TULP4: variants seen among roughly 807,000 people sequenced by gnomAD.
The protein encoded by TULP4 is tubby-related protein 4.
Under a neutral mutation model 129.0 loss-of-function variants are expected in TULP4, and 16 were observed. That is an observed-to-expected ratio of 0.12 (90% CI 0.08 to 0.19). The LOEUF is 0.19. TULP4 is among the 10% of genes least tolerant of loss of function. The probability of loss-of-function intolerance (pLI) is 1.00; values close to 1 mark genes in which losing one functional copy is unlikely to be tolerated. For missense variants in TULP4, 1,842 were observed against 2,059.1 expected (o/e 0.89, Z 2.04); for synonymous variants, 998 against 854.0 (o/e 1.17, Z -2.94).
intron 1 of TULP4, among the ~76,000 whole-genome samples, chr6:158,340,953 G>GT (rs373147466): frequency 6.6e-6 from 1 of 152,062 alleles, no homozygotes; most frequent in African/African-American, 2.4e-5. Context: ...TTTTGTGTGT[G>GT]TTTTTTTGTT....
At chr6:158,279,163 C>G (rs906750900), upstream of TULP4, among the ~76,000 whole-genome samples, 1 of 151,864 alleles carries the variant, frequency 6.6e-6, no homozygotes, top group African/African-American at 2.4e-5. Context: ...AGGATGGTCT[C>G]GATCTCCTGA....
At chr6:158,381,007 G>A (rs1282030984) in intron 1 of TULP4, among the ~76,000 whole-genome samples, 1 of 151,888 alleles carries the variant, frequency 6.6e-6, no homozygotes, top group Non-Finnish European at 1.5e-5. Flanking sequence ...TGCCAACTTG[G>A]AAGGGGAGCC....
At chr6:158,268,838 A>G (rs952416727) in intron 1 of TULP4, among the ~76,000 whole-genome samples, 2 of 151,662 alleles carry the variant, frequency 1.3e-5, no homozygotes, top group African/African-American at 4.9e-5. Flanking sequence ...CTGTTGTAAT[A>G]TTTTGCTTGT....
Position 158,493,761 on chromosome 6 carries a change from G to A in TULP4, c.1776+44G>A, listed in dbSNP as rs1487475778. The A allele has an allele frequency of 4.7e-6, 7 of 1,490,220 alleles. No individual in the cohort carries two copies. Among genetic ancestry groups the A allele is most frequent in the Non-Finnish European group, 6.3e-6 (7 of 1,118,306 alleles). 92.3% of individuals were successfully genotyped at this position (1,490,220 alleles called of 1,614,324 possible). The stretch of plus-strand genomic sequence containing the variant: ...CCTGCCTTGCTCCCCTCCTCCTGGG[G>A]GCTATGCCCAGAGGGCCCCTTCCTA... On this transcript the variant is annotated intron_variant, in intron 10 of 13. Coordinates refer to ENST00000367097, the MANE Select transcript of TULP4 (RefSeq NM_020245.5). This position sits in a 1 kb window ranked among gnomAD's most constrained non-coding sequence, Gnocchi z 4.4.
chr6:158,315,569 G>C (rs1394797184), intron 1 of TULP4, among the ~76,000 whole-genome samples: 1 of 152,186 alleles, frequency 6.6e-6, no homozygotes, highest in Non-Finnish European at 1.5e-5. Flanking sequence ...AAAATATAGA[G>C]CATTTCCAGC....
rs1780296766 is a variant in TULP4 at position 158,345,967 on chromosome 6, A to G, written c.252+31699A>G. ...TCCTTTTCCCAGAGTATTAATAACA[A>G]TATTCCTTGCTAGGAAAAGAATTTA... On this transcript the variant is annotated intron_variant, in intron 1 of 13. Transcript: ENST00000367097. Among the ~76,000 whole-genome samples, 3 of 152,272 alleles carry G rather than the reference A, an allele frequency of 2.0e-5. No homozygotes were observed. In the South Asian group the frequency reaches 6.2e-4, roughly 32 times the overall value.
intron 1 of TULP4, among the ~76,000 whole-genome samples, chr6:158,334,703 T>A (rs1398678798): frequency 6.6e-6 from 1 of 152,202 alleles, no homozygotes; most frequent in Non-Finnish European, 1.5e-5. Context: ...GGTCTGAATG[T>A]GTCCTCCAAA....
chr6:158,394,401 C>T (rs899940477), intron 1 of TULP4, among the ~76,000 whole-genome samples: 2 of 150,996 alleles, frequency 1.3e-5, no homozygotes, highest in East Asian at 1.9e-4. Flanking sequence ...GTTTCGAAGT[C>T]GCTTCCACAT....
intron 6 of TULP4, among the ~76,000 whole-genome samples, chr6:158,472,240 C>T (rs950349085): frequency 7.9e-5 from 12 of 152,172 alleles, no homozygotes; most frequent in Admixed American, 7.2e-4. Context: ...AGTGCCTAGA[C>T]TGTAGTAAAG....
intron 1 of TULP4, among the ~76,000 whole-genome samples, chr6:158,269,135 A>G (rs1312012140): frequency 1.3e-5 from 2 of 152,172 alleles, no homozygotes; most frequent in African/African-American, 4.8e-5. Flanking sequence ...TGAGAATATG[A>G]GAATAGAGTT....
At chr6:158,448,562 C>T (rs894184660) in intron 3 of TULP4, among the ~76,000 whole-genome samples, 1 of 152,120 alleles carries the variant, frequency 6.6e-6, no homozygotes, top group Non-Finnish European at 1.5e-5. Flanking sequence ...TGTATTTTCT[C>T]TTTGGTCAAA....
intron 1 of TULP4, among the ~76,000 whole-genome samples, chr6:158,244,090 G>A (rs1396101081): frequency 6.6e-6 from 1 of 152,112 alleles, no homozygotes; most frequent in Non-Finnish European, 1.5e-5. Flanking sequence ...TACGTGGTGT[G>A]TTTCAGTCCA....
At chr6:158,320,262 A>G (rs547489841) in intron 1 of TULP4, among the ~76,000 whole-genome samples, 6 of 152,288 alleles carry the variant, frequency 3.9e-5, no homozygotes, top group South Asian at 4.1e-4. Flanking sequence ...AGAGTCCTCA[A>G]TAGGTGGGCA....
At chr6:158,377,447 G>C (rs1777217684) in intron 1 of TULP4, among the ~76,000 whole-genome samples, 1 of 152,248 alleles carries the variant, frequency 6.6e-6, no homozygotes. Context: ...AAGTTGAGTA[G>C]CTTGCCTAAG....
chr6:158,321,710 A>G (rs1393685637), intron 1 of TULP4, among the ~76,000 whole-genome samples: 1 of 152,170 alleles, frequency 6.6e-6, no homozygotes, highest in Non-Finnish European at 1.5e-5. Context: ...TAATATCTGA[A>G]ACGTGCTCAC....
rs989543850 is a variant in TULP4, at chr6:158,493,441, C to T, written c.1632-132C>T. On this transcript the variant is annotated intron_variant, in intron 9 of 13. Transcript: ENST00000367097. This position sits in a 1 kb window ranked among gnomAD's most constrained non-coding sequence, Gnocchi z 4.4. The stretch of plus-strand genomic sequence containing the variant: ...AGCAAGGGGAGAGCTTTGTTAAATT[C>T]GGGCACTGGCTGCAGGGTGAGAACC... The T allele has an allele frequency of 1.9e-5, 17 of 894,086 alleles. 1 individual carries two copies. Among genetic ancestry groups the T allele is most frequent in the East Asian group, 8.9e-5 (3 of 33,708 alleles). 55.4% of individuals were successfully genotyped at this position (894,086 alleles called of 1,614,324 possible).
chr6:158,366,244 CT>C lies in TULP4; in HGVS notation c.253-46817del. On this transcript the variant is annotated intron_variant, in intron 1 of 13. Transcript: ENST00000367097. ...GTTGGTTTCCCTCACAAGCTTTGGG[CT>C]TTTAGTTTAGAAGCCTGTCTTAAGT... Among the ~76,000 whole-genome samples the C allele has an allele frequency of 1.3e-5, 2 of 152,264 alleles. 1 individual carries two copies. Among genetic ancestry groups the C allele is most frequent in the South Asian group, 4.2e-4 (2 of 4,816 alleles).
intron 1 of TULP4, among the ~76,000 whole-genome samples, chr6:158,370,756 T>C (rs1273701412): frequency 6.6e-6 from 1 of 152,170 alleles, no homozygotes; most frequent in Non-Finnish European, 1.5e-5. Flanking sequence ...GATACCCAAG[T>C]TTAAGCAGGG....
chr6:158,376,220 A>G (rs1583812702), intron 1 of TULP4, among the ~76,000 whole-genome samples: 1 of 152,108 alleles, frequency 6.6e-6, no homozygotes, highest in African/African-American at 2.4e-5. Flanking sequence ...TTTCTCTCTC[A>G]TGGGTTCTGG....
Sources: gnomAD v4.1 joint callset for allele counts (sites outside exome capture counted in the v4.1 genomes callset) on GRCh38, gnomAD v4.1.1 for gene constraint, Gnocchi (gnomAD v3.1) non-coding constraint, MANE v1.5 for transcripts, NCBI Gene and HGNC (gene_info 2026-07-23, HGNC 2026-07-21) for gene names.